The following KIF3C variants were observed in gnomAD, a reference collection of about 807,000 sequenced individuals.
KIF3C encodes the protein kinesin family member 3C.
Under a neutral mutation model 67.7 loss-of-function variants are expected in KIF3C, and 12 were observed. The ratio of observed to expected loss-of-function variants is 0.18; its 90% confidence interval spans 0.11 to 0.29. The LOEUF is 0.29. Among genes scored for constraint, KIF3C ranks in the 10% least tolerant of loss-of-function variants. The pLI is 1.00. For synonymous variants in KIF3C, 393 were observed against 426.2 expected (o/e 0.92, Z 0.96); for missense variants, 789 against 1,059.6 (o/e 0.74, Z 3.55).
chr2:25,964,304 TAAATA>T (rs1230488647), intron 1 of KIF3C, among the ~76,000 whole-genome samples: 1 of 151,896 alleles, frequency 6.6e-6, no homozygotes, highest in African/African-American at 2.4e-5. Flanking sequence ...AAAAATAAAA[TAAATA>T]AAATAAAATA....
At chr2:25,960,874 T>G (rs1189636827) in intron 1 of KIF3C, among the ~76,000 whole-genome samples, 1 of 152,218 alleles carries the variant, frequency 6.6e-6, no homozygotes, top group East Asian at 1.9e-4. Context: ...AGGTTGAGGC[T>G]GCAGTGAGCT....
chr2:25,940,385 A>T (rs1174649565), intron 5 of KIF3C, among the ~76,000 whole-genome samples: 1 of 152,076 alleles, frequency 6.6e-6, no homozygotes, highest in Non-Finnish European at 1.5e-5. Flanking sequence ...AGCCTGGCCA[A>T]CATGTTGAAA....
intron 5 of KIF3C, among the ~76,000 whole-genome samples, chr2:25,938,041 G>A (rs757338092): frequency 2.6e-5 from 4 of 151,442 alleles, no homozygotes; most frequent in African/African-American, 4.9e-5. Flanking sequence ...GTGACAGAGC[G>A]AGACTCTGTC....
At position 25,981,724 on chromosome 2, in the gene KIF3C, T is replaced by C; in HGVS notation, c.194A>G (p.Asp65Gly). 1 of 1,613,452 alleles carries C rather than the reference T, an allele frequency of 6.2e-7. No homozygotes were observed. Among genetic ancestry groups the C allele is most frequent in the Non-Finnish European group, 8.5e-7 (1 of 1,179,550 alleles). The change falls in exon 1 of 8, where the codon GAT becomes GGT. Residue 65 changes from aspartate to glycine, a missense_variant. By Grantham distance (94) the Asp-to-Gly change is moderately conservative. Coordinates refer to ENST00000264712, the MANE Select transcript of KIF3C (RefSeq NM_002254.8). This position sits in a 1 kb window ranked among gnomAD's most constrained non-coding sequence, Gnocchi z 8.2. The stretch of plus-strand genomic sequence containing the variant: ...CAGGTCGGCCTGCTTGGAGCTGGCA[T>C]CATACACGGCGTCAAAGGTGAAGGT... ...PKTFTFDAVY[D>G]ASSKQADLYD... is the part of the protein sequence containing the mutation.
chr2:25,977,631 C>T (rs893000966), intron 1 of KIF3C, among the ~76,000 whole-genome samples: 3 of 152,190 alleles, frequency 2.0e-5, no homozygotes, highest in African/African-American at 7.2e-5. Flanking sequence ...CCCATAGCTG[C>T]TAATGCCTTC....
At chr2:25,954,188 T>A in intron 4 of KIF3C, 79 bp downstream of exon 4, 1 of 1,007,680 alleles carries the variant, frequency 9.9e-7, no homozygotes, top group Non-Finnish European at 1.6e-6. Flanking sequence ...ACAGTCAGGA[T>A]GAGGCCTTAG....
chr2:25,932,799 C>T (rs1263549791), intron 5 of KIF3C, among the ~76,000 whole-genome samples: 1 of 151,838 alleles, frequency 6.6e-6, no homozygotes, highest in African/African-American at 2.4e-5. Flanking sequence ...GGCTACTGCA[C>T]TCCAGCCTGG....
At position 25,981,922 on chromosome 2, in the gene KIF3C, C is replaced by A; in HGVS notation, c.-5G>T. ...GGCCTTGGTCTTACTGGCCATCTTG[C>A]TGCTCTGACCTTCCTGCCCCCGAGC... is the stretch of plus-strand genomic sequence containing the variant. On this transcript the variant is annotated 5_prime_UTR_variant, in exon 1 of 8. Transcript: ENST00000264712. The surrounding 1 kb of genome is among the most constrained non-coding windows in gnomAD (Gnocchi z 8.2). The A allele has an allele frequency of 1.3e-6, 2 of 1,528,930 alleles. No individual in the cohort carries two copies. The highest frequency in any genetic ancestry group is 2.1e-4 in the Middle Eastern group (1 of 4,860). 94.7% of individuals were successfully genotyped at this position (1,528,930 alleles called of 1,614,324 possible). A position where few individuals can be genotyped will look rare whatever the true frequency, so the allele number is the denominator to read the frequency against.
At position 25,980,149 on chromosome 2, in the gene KIF3C, C is replaced by T. The variant is rs912662486; in HGVS notation, c.1545+224G>A. ...CAAGCTCACTGGCTTGAGAGACCGC[C>T]TGTCCACGTTGCTTCGTGTGTGTGT... is the stretch of plus-strand genomic sequence containing the variant. On this transcript the variant is annotated intron_variant, in intron 1 of 7. Transcript: ENST00000264712. This position sits in a 1 kb window ranked among gnomAD's most constrained non-coding sequence, Gnocchi z 7.6. 1.3e-5 allele frequency among the ~76,000 whole-genome samples: 2 copies of T among 152,192 alleles called. No homozygotes were observed. The highest frequency in any genetic ancestry group is 2.4e-5 in the African/African-American group (1 of 41,458).
chr2:25,962,843 AAT>A (rs1559555165), intron 1 of KIF3C, among the ~76,000 whole-genome samples: 1 of 65,024 alleles, frequency 1.5e-5, no homozygotes, highest in Non-Finnish European at 2.7e-5. Context: ...TAAAATATAT[AAT>A]ATATAATATA....
At chr2:25,961,357 CAAG>C (rs935862982) in intron 1 of KIF3C, among the ~76,000 whole-genome samples, 47 of 152,314 alleles carry the variant, frequency 3.1e-4, no homozygotes, top group African/African-American at 1.1e-3. Context: ...TGAAGCTGTG[CAAG>C]AAGGAGTGCA....
chr2:25,932,707 C>G (rs1234969230), intron 5 of KIF3C, among the ~76,000 whole-genome samples: 1 of 151,402 alleles, frequency 6.6e-6, no homozygotes. Flanking sequence ...GTGGCACACA[C>G]CTGTAGTCCC....
rs781528487 is a variant in KIF3C at position 25,955,998 on chromosome 2, T to A, written c.1648-335A>T. Among the ~76,000 whole-genome samples, 5 of 152,216 alleles carry A rather than the reference T, an allele frequency of 3.3e-5. No individual in the cohort carries two copies. Among genetic ancestry groups the A allele is most frequent in the Non-Finnish European group, 5.9e-5 (4 of 68,046 alleles). ...CTCCCCAAGTAGTATAATGGTTGAT[T>A]GGTAAGACCAACAAACTGTGGCTCT... On this transcript the variant is annotated intron_variant, in intron 2 of 7. Coordinates refer to ENST00000264712, the MANE Select transcript of KIF3C (RefSeq NM_002254.8). The surrounding 1 kb of genome is among the most constrained non-coding windows in gnomAD (Gnocchi z 5.0).
chr2:25,963,192 A>AT (rs1664047879), intron 1 of KIF3C, among the ~76,000 whole-genome samples: 1 of 54,266 alleles, frequency 1.8e-5, no homozygotes, highest in Non-Finnish European at 2.8e-5. Context: ...ATATATATAT[A>AT]TATATTTTTT....
At chr2:25,966,433 T>A (rs1203589152) in intron 1 of KIF3C, among the ~76,000 whole-genome samples, 1 of 152,184 alleles carries the variant, frequency 6.6e-6, no homozygotes, top group Non-Finnish European at 1.5e-5. Flanking sequence ...ATTGACTATG[T>A]GCTTTCCAAA....
At chr2:25,950,185 C>G (rs900098089) in intron 5 of KIF3C, among the ~76,000 whole-genome samples, 1 of 151,612 alleles carries the variant, frequency 6.6e-6, no homozygotes, top group Admixed American at 6.6e-5. Flanking sequence ...CAGGCATGAG[C>G]CACCATGCCC....
intron 5 of KIF3C, among the ~76,000 whole-genome samples, chr2:25,939,105 T>A (rs1663219410): frequency 6.6e-6 from 1 of 152,086 alleles, no homozygotes; most frequent in Non-Finnish European, 1.5e-5. Context: ...GTAGCTGGGA[T>A]TACAGGTGAC....
At chr2:25,966,263 G>A (rs1344749665) in intron 1 of KIF3C, among the ~76,000 whole-genome samples, 2 of 152,078 alleles carry the variant, frequency 1.3e-5, no homozygotes, top group African/African-American at 2.4e-5. Context: ...CTGCCACCAC[G>A]CCCAGCTAGC....
At chr2:25,973,422 C>T (rs1206295630) in intron 1 of KIF3C, among the ~76,000 whole-genome samples, 2 of 151,904 alleles carry the variant, frequency 1.3e-5, no homozygotes, top group Non-Finnish European at 2.9e-5. Context: ...GGTGTGGTGG[C>T]GTGCACCTGT....
Sources: gnomAD v4.1 joint callset for allele counts (sites outside exome capture counted in the v4.1 genomes callset) on GRCh38, gnomAD v4.1.1 for gene constraint, Gnocchi (gnomAD v3.1) non-coding constraint, MANE v1.5 for transcripts, NCBI Gene and HGNC (gene_info 2026-07-23, HGNC 2026-07-21) for gene names.